The following LDLRAD4 variants were observed in gnomAD, a reference collection of about 807,000 sequenced individuals.
LDLRAD4 encodes the protein low density lipoprotein receptor class A domain containing 4.
A neutral mutation model predicts 17.0 loss-of-function variants in LDLRAD4; 5 were observed. The ratio of observed to expected loss-of-function variants is 0.29; its 90% CI spans 0.15 to 0.62. LDLRAD4 has a LOEUF of 0.62. LDLRAD4 is among the 20% of genes least tolerant of loss of function. The pLI is 0.84. For missense variants in LDLRAD4, 340 were observed against 424.7 expected (o/e 0.80, Z 1.75); for synonymous variants, 168 against 171.8 (o/e 0.98, Z 0.17).
At chr18:13,408,492 C>T (rs1167006167) in intron 2 of LDLRAD4, among the ~76,000 whole-genome samples, 1 of 149,956 alleles carries the variant, frequency 6.7e-6, no homozygotes, top group Non-Finnish European at 1.5e-5. Flanking sequence ...ATTTTTTTGG[C>T]GATGAAGTTT....
exon 6 of LDLRAD4, chr18:13,651,320 G>C (rs1380729996): frequency 1.3e-5 from 2 of 152,230 alleles, no homozygotes; most frequent in Non-Finnish European, 2.9e-5. Context: ...AGCCAATGAA[G>C]TAACAGTAGA....
chr18:13,333,870 T>A (rs1315519247), intron 1 of LDLRAD4, among the ~76,000 whole-genome samples: 1 of 152,244 alleles, frequency 6.6e-6, no homozygotes, highest in Non-Finnish European at 1.5e-5. Context: ...TTCAATATTG[T>A]GTTGGCTACT....
At chr18:13,452,852 G>A (rs2091916291) in intron 3 of LDLRAD4, among the ~76,000 whole-genome samples, 1 of 152,182 alleles carries the variant, frequency 6.6e-6, no homozygotes, top group Admixed American at 6.5e-5. Context: ...GGAGGTCAGT[G>A]GCAATGAGTC....
chr18:13,535,428 A>G (rs1316997208), intron 3 of LDLRAD4, among the ~76,000 whole-genome samples: 2 of 152,096 alleles, frequency 1.3e-5, no homozygotes, highest in East Asian at 3.8e-4. Flanking sequence ...AGTGATGTTG[A>G]GCATCTCTTT....
chr18:13,624,450 C>T (rs973090905), intron 4 of LDLRAD4, among the ~76,000 whole-genome samples: 3 of 152,348 alleles, frequency 2.0e-5, no homozygotes, highest in East Asian at 1.9e-4. Flanking sequence ...GGCCATGCCC[C>T]GCCTCCGCCA....
chr18:13,285,558 G>A (rs539609926), intron 1 of LDLRAD4, among the ~76,000 whole-genome samples: 10 of 152,128 alleles, frequency 6.6e-5, no homozygotes, highest in South Asian at 6.2e-4. Context: ...AGGAGGCTTC[G>A]TGGCGATGCT....
intron 1 of LDLRAD4, among the ~76,000 whole-genome samples, chr18:13,296,576 C>T (rs2046289763): frequency 6.9e-6 from 1 of 144,570 alleles, no homozygotes; most frequent in Non-Finnish European, 1.5e-5. Context: ...CTTCTCTTAA[C>T]CTTTTTTTTT....
At chr18:13,344,486 CTTTGTAGTATAGT>C (rs200260224) in intron 1 of LDLRAD4, among the ~76,000 whole-genome samples, 9,678 of 152,196 alleles carry the variant, frequency 0.064, 344 homozygotes, top group South Asian at 0.096. Flanking sequence ...GTTACTGTAG[CTTTGTAGTATAGT>C]TTGAAGTCAG....
At chr18:13,452,515 A>G (rs16940567) in intron 3 of LDLRAD4, among the ~76,000 whole-genome samples, 4,748 of 151,962 alleles carry the variant, frequency 0.031, 262 homozygotes, top group African/African-American at 0.11. Flanking sequence ...GGACGGAAGA[A>G]CTCCAGTGCA....
chr18:13,460,596 A>C (rs1313506665), intron 3 of LDLRAD4, among the ~76,000 whole-genome samples: 5 of 152,232 alleles, frequency 3.3e-5, no homozygotes, highest in African/African-American at 4.8e-5. Context: ...AGTAAAGAAA[A>C]AGAAAATTCT....
chr18:13,283,200 T>C (rs1273190178), intron 1 of LDLRAD4, among the ~76,000 whole-genome samples: 1 of 152,220 alleles, frequency 6.6e-6, no homozygotes, highest in East Asian at 1.9e-4. Flanking sequence ...ATTTTCCCCA[T>C]GGTCTTGGAG....
chr18:13,583,716 G>A (rs1314480586), intron 3 of LDLRAD4, among the ~76,000 whole-genome samples: 2 of 152,300 alleles, frequency 1.3e-5, no homozygotes, highest in African/African-American at 4.8e-5. Context: ...CTGACAAGTA[G>A]TGTTGGGGGG....
At chr18:13,414,117 C>A (rs1169835869) in intron 2 of LDLRAD4, among the ~76,000 whole-genome samples, 2 of 152,238 alleles carry the variant, frequency 1.3e-5, no homozygotes, top group Non-Finnish European at 1.5e-5. Context: ...CTACCTCATG[C>A]CTCGTTTTGT....
At chr18:13,248,344 A>G (rs999317481) in intron 1 of LDLRAD4, among the ~76,000 whole-genome samples, 4 of 152,208 alleles carry the variant, frequency 2.6e-5, no homozygotes, top group Non-Finnish European at 4.4e-5. Context: ...TTATTTCCAC[A>G]TCATACTTCC....
intron 2 of LDLRAD4, among the ~76,000 whole-genome samples, chr18:13,405,235 G>C (rs2087620810): frequency 6.6e-6 from 1 of 152,078 alleles, no homozygotes; most frequent in African/African-American, 2.4e-5. Flanking sequence ...TCTCCACAGT[G>C]ACTTCAAGAA....
chr18:13,269,265 G>A (rs1031999229), intron 1 of LDLRAD4, among the ~76,000 whole-genome samples: 2 of 152,210 alleles, frequency 1.3e-5, no homozygotes, highest in African/African-American at 2.4e-5. Context: ...CTCCCAAGCT[G>A]AGCAAGATTT....
intron 3 of LDLRAD4, among the ~76,000 whole-genome samples, chr18:13,485,829 T>G (rs75912438): frequency 5.1e-4 from 77 of 152,280 alleles, no homozygotes; most frequent in African/African-American, 1.7e-3. Flanking sequence ...CAGTGAGCCA[T>G]GATCACGCCA....
At chr18:13,529,446 A>G (rs1290496018) in intron 3 of LDLRAD4, among the ~76,000 whole-genome samples, 11 of 152,234 alleles carry the variant, frequency 7.2e-5, no homozygotes, top group Admixed American at 6.5e-4. Context: ...AAAAATGCAT[A>G]TGGAGACCTT....
intron 3 of LDLRAD4, among the ~76,000 whole-genome samples, chr18:13,512,122 G>T (rs2093791221): frequency 6.6e-6 from 1 of 152,188 alleles, no homozygotes; most frequent in Admixed American, 6.5e-5. Flanking sequence ...TTTCCTTCCT[G>T]TTCCTTTTCA....
Sources: allele counts gnomAD v4.1 joint callset (sites outside exome capture counted in the v4.1 genomes callset), GRCh38; gene constraint gnomAD v4.1.1; transcripts MANE v1.5; gene names NCBI Gene and HGNC (gene_info 2026-07-23, HGNC 2026-07-21).